The following ADD2 variants were observed in gnomAD, a reference collection of about 807,000 sequenced individuals.
ADD2 encodes adducin 2.
A neutral mutation model predicts 83.0 loss-of-function variants in ADD2; 23 were observed. The ratio of observed to expected loss-of-function variants is 0.28; its 90% CI spans 0.20 to 0.39. The LOEUF (loss-of-function observed/expected upper bound fraction) is 0.39. ADD2 is among the 10% of genes least tolerant of loss of function. The pLI, the probability that ADD2 is intolerant of heterozygous loss-of-function variation, is 1.00. For synonymous variants in ADD2, 375 were observed against 375.4 expected (o/e 1.00, Z 0.01); for missense variants, 758 against 944.9 (o/e 0.80, Z 2.59).
At chr2:70,689,740 G>A (rs1224220526) in intron 8 of ADD2, among the ~76,000 whole-genome samples, 6 of 152,172 alleles carry the variant, frequency 3.9e-5, no homozygotes, top group Admixed American at 1.3e-4. Flanking sequence ...ACTAGCCTCC[G>A]TGGCTGTGCC....
chr2:70,678,232 T>C (rs1250410484), intron 11 of ADD2, among the ~76,000 whole-genome samples: 1 of 152,214 alleles, frequency 6.6e-6, no homozygotes, highest in Non-Finnish European at 1.5e-5. Flanking sequence ...TGAAGAGCTA[T>C]TCTATTTGGC....
At chr2:70,713,031 AC>A in intron 2 of ADD2, 34 bp downstream of exon 2, 2 of 935,708 alleles carry the variant, frequency 2.1e-6, no homozygotes, top group Non-Finnish European at 2.5e-6. Context: ...AGTGTGCATC[AC>A]CCCCGTCACC....
intron 1 of ADD2, among the ~76,000 whole-genome samples, chr2:70,752,386 A>G (rs1674551477): frequency 1.3e-5 from 2 of 152,216 alleles, no homozygotes; most frequent in Non-Finnish European, 2.9e-5. Context: ...GAGAATAATA[A>G]TACCACCTAC....
At chr2:70,705,089 C>T (rs1671813658) in intron 3 of ADD2, among the ~76,000 whole-genome samples, 2 of 152,124 alleles carry the variant, frequency 1.3e-5, no homozygotes, top group Non-Finnish European at 2.9e-5. Context: ...AGGAAGCAGG[C>T]CCTCCTCCAA....
intron 15 of ADD2, among the ~76,000 whole-genome samples, chr2:70,666,555 GT>G (rs1485121417): frequency 1.3e-5 from 2 of 152,340 alleles, no homozygotes; most frequent in Admixed American, 1.3e-4. Context: ...CTCTAAGATG[GT>G]TGGGGCACTT....
At chr2:70,693,060 G>T (rs199989965) in intron 6 of ADD2, among the ~76,000 whole-genome samples, 1 of 152,284 alleles carries the variant, frequency 6.6e-6, no homozygotes, top group East Asian at 1.9e-4. Context: ...GAGGCTCAAA[G>T]AGGCTGCGGC....
At position 70,665,934 on chromosome 2, in the gene ADD2, G is replaced by A. The variant is rs535499828; in HGVS notation, c.1871-2199C>T. Among the ~76,000 whole-genome samples the A allele has an allele frequency of 3.3e-5, 5 of 151,730 alleles. No homozygotes were observed. The East Asian group carries it at 9.7e-4, about 29-fold the overall frequency. On this transcript the variant is annotated intron_variant, in intron 15 of 15. Transcript: ENST00000264436. ...AGGTTCAAGCAATTCTCCTGCCTCA[G>A]CCTCCCAAGTAGCTGGGATTACAGG...
At chr2:70,759,263 A>G (rs1489766898) in intron 1 of ADD2, among the ~76,000 whole-genome samples, 1 of 152,206 alleles carries the variant, frequency 6.6e-6, no homozygotes, top group African/African-American at 2.4e-5. Context: ...ATGAGGCCCT[A>G]TGTTAGATCA....
At chr2:70,675,825 T>G in intron 13 of ADD2, 1 of 985,342 alleles carries the variant, frequency 1.0e-6, no homozygotes, top group Non-Finnish European at 1.2e-6. Context: ...AGAAGAGCAC[T>G]TGGTATAAAT....
chr2:70,727,349 C>G (rs1297200487), intron 1 of ADD2, among the ~76,000 whole-genome samples: 1 of 152,092 alleles, frequency 6.6e-6, no homozygotes, highest in African/African-American at 2.4e-5. Context: ...GCAGAACTTT[C>G]CCCTTCCTCA....
At chr2:70,713,037 G>A (rs782605592) in intron 2 of ADD2, 29 bp downstream of exon 2, 121 of 957,652 alleles carry the variant, frequency 1.3e-4, no homozygotes, top group Middle Eastern at 5.4e-4. Flanking sequence ...CATCACCCCC[G>A]TCACCACCAG....
intron 1 of ADD2, among the ~76,000 whole-genome samples, chr2:70,763,504 T>C (rs370092159): frequency 6.6e-6 from 1 of 151,952 alleles, no homozygotes; most frequent in East Asian, 1.9e-4. Flanking sequence ...TCTCATGACC[T>C]CATGGTTGAC....
At chr2:70,765,939 TC>T (rs1675359044) in intron 1 of ADD2, among the ~76,000 whole-genome samples, 1 of 152,202 alleles carries the variant, frequency 6.6e-6, no homozygotes, top group South Asian at 2.1e-4. Flanking sequence ...TATCTACTAG[TC>T]TTTTTTATAT....
chr2:70,661,419 T>C lies in ADD2; in HGVS notation c.*2006A>G, dbSNP rs954696838. ...AGGCATTTCCCATATGACAGATTTTTCTGAGGCATGAGTGGGTTGTCCCTC... is the reference window on the plus strand; with the variant it reads ...AGGCATTTCCCATATGACAGATTTTCCTGAGGCATGAGTGGGTTGTCCCTC... On this transcript the variant is annotated 3_prime_UTR_variant, in exon 16 of 16. Coordinates refer to ENST00000264436, the MANE Select transcript of ADD2 (RefSeq NM_001617.4). 5 of 152,218 alleles carry C rather than the reference T, an allele frequency of 3.3e-5. No homozygotes were observed. Among genetic ancestry groups the C allele is most frequent in the Non-Finnish European group, 7.3e-5 (5 of 68,034 alleles). 9.4% of individuals were successfully genotyped at this position (152,218 alleles called of 1,614,324 possible).
At chr2:70,666,068 C>T (rs1279469375) in intron 15 of ADD2, among the ~76,000 whole-genome samples, 2 of 152,204 alleles carry the variant, frequency 1.3e-5, no homozygotes, top group South Asian at 2.1e-4. Flanking sequence ...CCCACCTTGG[C>T]CTCCCAAAGT....
At chr2:70,740,567 A>G (rs1206701086) in intron 1 of ADD2, among the ~76,000 whole-genome samples, 1 of 152,228 alleles carries the variant, frequency 6.6e-6, no homozygotes, top group African/African-American at 2.4e-5. Flanking sequence ...TCTTCATTCT[A>G]GGAGAAGCAT....
In ADD2 at chr2:70,696,338, G is replaced by A. The variant is rs781799797; in HGVS notation, c.381C>T (p.Ala127=). The A allele has an allele frequency of 1.2e-6, 2 of 1,614,134 alleles. No homozygotes were observed. Among genetic ancestry groups the A allele is most frequent in the Non-Finnish European group, 1.7e-6 (2 of 1,180,036 alleles). Residue 127 remains alanine (A), a synonymous_variant, in exon 5 of 16, where the codon GCC becomes GCT. Coordinates refer to ENST00000264436, the MANE Select transcript of ADD2 (RefSeq NM_001617.4). ...TGCACCGCATGAGCCGCTCCCCTTT[G>A]GCCAGGTTCAGGGAGTCAGCTGTGT... is the stretch of plus-strand genomic sequence containing the variant. ...DLHTADSLNL[A]KGERLMRCKI...
Position 70,663,500 on chromosome 2 carries a change from G to A in ADD2, c.2106C>T (p.Pro702=), listed in dbSNP as rs988328779. The A allele has an allele frequency of 8.1e-6, 13 of 1,613,966 alleles. No homozygotes were observed. In the Admixed American group the frequency reaches 1.5e-4, roughly 19 times the overall value. Reference sequence around the variant, plus strand: ...TTCGGAATTTCTTTTTCTTCTTTGAGGGAGACTTGGAAGGTGAGCCCTCTG... The same window carrying A: ...TTCGGAATTTCTTTTTCTTCTTTGAAGGAGACTTGGAAGGTGAGCCCTCTG... The part of the protein sequence containing the change: ...MSPEGSPSKS[P]SKKKKKFRTP... The change falls in exon 16 of 16, where the codon CCC becomes CCT. Residue 702 remains proline (P), a synonymous_variant. Transcript: ENST00000264436.
rs531086241 is a variant in ADD2 at position 70,733,450 on chromosome 2, G to A, written c.-153-20266C>T. Among the ~76,000 whole-genome samples, 14 of 152,324 alleles carry A rather than the reference G, an allele frequency of 9.2e-5. No homozygotes were observed. The South Asian group carries it at 2.7e-3, about 29-fold the overall frequency. On this transcript the variant is annotated intron_variant, in intron 1 of 15. Transcript: ENST00000264436. The stretch of plus-strand genomic sequence containing the variant: ...ACTGAGCATGAAGGTTTGGATTGCA[G>A]AGGCTTTTCTGAAGATGCCATCAGA...
Sources: allele counts gnomAD v4.1 joint callset (sites outside exome capture counted in the v4.1 genomes callset), GRCh38; gene constraint gnomAD v4.1.1; transcripts MANE v1.5; gene names NCBI Gene and HGNC (gene_info 2026-07-23, HGNC 2026-07-21).